Variants in DAB1 observed in about 807,000 individuals in gnomAD.
The protein encoded by DAB1 is DAB adaptor protein 1.
A neutral mutation model predicts 64.6 loss-of-function variants in DAB1; 15 were observed. The observed-to-expected ratio is 0.23, with a 90% CI of 0.16 to 0.36. DAB1 has a LOEUF of 0.36. DAB1 is among the 10% of genes least tolerant of loss of function. The probability of loss-of-function intolerance (pLI) is 1.00; values close to 1 mark genes in which losing one functional copy is unlikely to be tolerated. For synonymous variants in DAB1, 235 were observed against 251.9 expected (o/e 0.93, Z 0.64); for missense variants, 596 against 706.7 (o/e 0.84, Z 1.78).
chr1:57,635,440 C>T (rs1646040853), intron 7 of DAB1, among the ~76,000 whole-genome samples: 1 of 151,530 alleles, frequency 6.6e-6, no homozygotes, highest in African/African-American at 2.4e-5. Flanking sequence ...CAGCTATGGC[C>T]TTAGGTTCTC....
intron 5 of DAB1, among the ~76,000 whole-genome samples, chr1:57,964,703 T>C (rs1645610279): frequency 1.3e-5 from 2 of 152,338 alleles, no homozygotes; most frequent in South Asian, 2.1e-4. Flanking sequence ...TACTGAACAC[T>C]GTAAGTTATC....
chr1:57,443,191 A>T (rs1003787063), intron 7 of DAB1, among the ~76,000 whole-genome samples: 5 of 152,196 alleles, frequency 3.3e-5, no homozygotes, highest in African/African-American at 1.2e-4. Context: ...CATCAATCAC[A>T]ATGCTTATGC....
intron 4 of DAB1, among the ~76,000 whole-genome samples, chr1:57,090,659 C>T (rs558162636): frequency 3.3e-5 from 5 of 152,216 alleles, no homozygotes; most frequent in Admixed American, 1.3e-4. Flanking sequence ...GGGCTAGATC[C>T]GAATTCCTAT....
chr1:57,675,028 T>A (rs893174757), intron 6 of DAB1, among the ~76,000 whole-genome samples: 2 of 152,178 alleles, frequency 1.3e-5, no homozygotes, highest in Non-Finnish European at 2.9e-5. Flanking sequence ...GAAAAGCTGA[T>A]GTAACATGCA....
rs112301930 is a variant in DAB1 at position 57,762,333 on chromosome 1, G to A, written n.552-112668C>T. 4.5e-3 allele frequency among the ~76,000 whole-genome samples: 690 copies of A among 152,120 alleles called. 6 individuals are homozygous for A. Among genetic ancestry groups the A allele is most frequent in the African/African-American group, 0.016 (658 of 41,496 alleles). On this transcript the variant is annotated intron_variant and non_coding_transcript_variant, in intron 6 of 20. Coordinates refer to the DAB1 transcript ENST00000485760. ...CGTATATGGGTTTCTCTGGAGAAAA[G>A]GGTATAAAACTTTAGATCAGATTTT...
upstream of DAB1, among the ~76,000 whole-genome samples, chr1:57,885,801 G>T (rs1365067101): frequency 6.6e-6 from 1 of 152,018 alleles, no homozygotes; most frequent in African/African-American, 2.4e-5. Flanking sequence ...GATTACCTGA[G>T]AAATATTACA....
At chr1:57,667,828 A>G (rs1347454650) in intron 6 of DAB1, among the ~76,000 whole-genome samples, 1 of 152,082 alleles carries the variant, frequency 6.6e-6, no homozygotes, top group Non-Finnish European at 1.5e-5. Flanking sequence ...TTGAACAATG[A>G]GAACACATGG....
intron 1 of DAB1, among the ~76,000 whole-genome samples, chr1:57,367,821 G>A (rs1318156438): frequency 6.6e-6 from 1 of 152,152 alleles, no homozygotes; most frequent in Non-Finnish European, 1.5e-5. Context: ...GTTCCATAGA[G>A]CAAGCAGGAA....
intron 5 of DAB1, among the ~76,000 whole-genome samples, chr1:58,133,173 C>G (rs148897624): frequency 6.6e-6 from 1 of 152,180 alleles, no homozygotes; most frequent in South Asian, 2.1e-4. Context: ...GGTTGCACAA[C>G]GACTTTTTTA....
intron 4 of DAB1, among the ~76,000 whole-genome samples, chr1:58,291,361 G>C (rs943117007): frequency 2.6e-5 from 4 of 152,128 alleles, no homozygotes; most frequent in Admixed American, 2.0e-4. Flanking sequence ...CTTCAAGACA[G>C]GTGCTCCATG....
intron 11 of DAB1, among the ~76,000 whole-genome samples, chr1:57,016,924 T>C (rs2100339099): frequency 6.6e-6 from 1 of 152,210 alleles, no homozygotes; most frequent in East Asian, 1.9e-4. Context: ...AAATTGGTGC[T>C]CAAGGAAAAG....
intron 9 of DAB1, among the ~76,000 whole-genome samples, chr1:57,044,646 T>C (rs1648233706): frequency 6.6e-6 from 1 of 152,218 alleles, no homozygotes; most frequent in Non-Finnish European, 1.5e-5. Flanking sequence ...AAAGTGTCTT[T>C]ACTCACACGT....
chr1:57,352,165 A>G (rs997838717), intron 1 of DAB1, among the ~76,000 whole-genome samples: 11 of 152,168 alleles, frequency 7.2e-5, no homozygotes, highest in African/African-American at 2.2e-4. Context: ...AAGAAGTGTC[A>G]AGAGTATTAT....
chr1:57,894,972 T>A (rs932300729), intron 5 of DAB1, among the ~76,000 whole-genome samples: 5 of 152,022 alleles, frequency 3.3e-5, no homozygotes, highest in African/African-American at 4.8e-5. Context: ...AATGTAGACA[T>A]ACAGCTCCCC....
intron 7 of DAB1, among the ~76,000 whole-genome samples, chr1:57,462,771 T>C (rs923336273): frequency 6.6e-6 from 1 of 152,168 alleles, no homozygotes; most frequent in African/African-American, 2.4e-5. Flanking sequence ...TGGTTTATTA[T>C]TGAGTGAAGG....
intron 4 of DAB1, among the ~76,000 whole-genome samples, chr1:58,189,484 T>G (rs1657266621): frequency 6.6e-6 from 1 of 152,216 alleles, no homozygotes; most frequent in African/African-American, 2.4e-5. Flanking sequence ...TAGACCACCC[T>G]CATTTCTATC....
intron 5 of DAB1, among the ~76,000 whole-genome samples, chr1:57,944,761 G>T (rs1281452012): frequency 2.0e-5 from 3 of 152,062 alleles, no homozygotes; most frequent in Non-Finnish European, 4.4e-5. Flanking sequence ...TCCAAAAAGC[G>T]CTATCTCATC....
intron 2 of DAB1, among the ~76,000 whole-genome samples, chr1:58,510,981 C>T (rs1646068000): frequency 6.6e-6 from 1 of 152,136 alleles, no homozygotes. Context: ...AAAGACAACT[C>T]AAATAAATGG....
intron 4 of DAB1, among the ~76,000 whole-genome samples, chr1:58,319,695 T>C (rs538974690): frequency 1.2e-3 from 182 of 152,340 alleles, no homozygotes; most frequent in African/African-American, 4.0e-3. Flanking sequence ...CCCACTTGGG[T>C]CTCACATACT....
Sources: allele counts gnomAD v4.1 joint callset (sites outside exome capture counted in the v4.1 genomes callset), GRCh38; gene constraint gnomAD v4.1.1; transcripts MANE v1.5; gene names NCBI Gene and HGNC (gene_info 2026-07-23, HGNC 2026-07-21).